PLXDC2: variants seen among roughly 807,000 people sequenced by gnomAD.
The protein encoded by PLXDC2 is plexin domain containing 2.
PLXDC2 carries 40 observed loss-of-function variants against 68.9 expected under a neutral mutation model. The ratio of observed to expected loss-of-function variants is 0.58; its 90% CI spans 0.45 to 0.76. The LOEUF (loss-of-function observed/expected upper bound fraction) is 0.76, where lower values mean the gene tolerates loss of function less well. Among genes scored for constraint, PLXDC2 ranks in the 30% least tolerant of loss-of-function variants. The pLI, the probability that PLXDC2 is intolerant of heterozygous loss-of-function variation, is 0.00. For synonymous variants in PLXDC2, 243 were observed against 234.2 expected (o/e 1.04, Z -0.34); for missense variants, 644 against 661.9 (o/e 0.97, Z 0.30).
At chr10:20,022,471 A>G (rs1374828366) in intron 2 of PLXDC2, among the ~76,000 whole-genome samples, 3 of 152,352 alleles carry the variant, frequency 2.0e-5, no homozygotes, top group South Asian at 4.1e-4. Flanking sequence ...GTCAGAACCC[A>G]GAGGTCCTTG....
intron 1 of PLXDC2, among the ~76,000 whole-genome samples, chr10:19,890,541 G>C (rs943280906): frequency 1.6e-5 from 2 of 128,398 alleles, no homozygotes; most frequent in African/African-American, 3.1e-5. Flanking sequence ...TCTGAGACGG[G>C]GTTTTTTTTT....
At chr10:20,030,334 C>T (rs1335981377) in intron 2 of PLXDC2, among the ~76,000 whole-genome samples, 1 of 152,190 alleles carries the variant, frequency 6.6e-6, no homozygotes, top group Non-Finnish European at 1.5e-5. Flanking sequence ...CCAGGCCATG[C>T]CTTGTGACTT....
intron 13 of PLXDC2, among the ~76,000 whole-genome samples, chr10:20,265,739 A>G (rs765624965): frequency 1.3e-5 from 2 of 152,184 alleles, no homozygotes; most frequent in African/African-American, 2.4e-5. Flanking sequence ...CATGTTCCCA[A>G]TTCTAGAGTA....
At chr10:20,259,341 C>A (rs1835782413) in intron 13 of PLXDC2, among the ~76,000 whole-genome samples, 1 of 152,106 alleles carries the variant, frequency 6.6e-6, no homozygotes, top group South Asian at 2.1e-4. Flanking sequence ...CAAAAAGAGT[C>A]CTTGTCCCTT....
intron 9 of PLXDC2, among the ~76,000 whole-genome samples, chr10:20,201,946 C>T (rs948013389): frequency 6.6e-6 from 1 of 152,134 alleles, no homozygotes; most frequent in African/African-American, 2.4e-5. Context: ...CACTGGGATA[C>T]ACCTACTTTA....
intron 9 of PLXDC2, among the ~76,000 whole-genome samples, chr10:20,187,262 A>G (rs1483462969): frequency 2.0e-5 from 3 of 151,844 alleles, no homozygotes; most frequent in Non-Finnish European, 4.4e-5. Context: ...CTCTAGATAT[A>G]TCAGATTCTG....
At chr10:20,139,962 C>A (rs752906825) in intron 4 of PLXDC2, among the ~76,000 whole-genome samples, 41 of 152,094 alleles carry the variant, frequency 2.7e-4, no homozygotes, top group Non-Finnish European at 4.9e-4. Flanking sequence ...ATGTAACAAA[C>A]CTGCACGTTC....
chr10:19,986,630 G>T (rs1202554580), intron 1 of PLXDC2, among the ~76,000 whole-genome samples: 1 of 152,092 alleles, frequency 6.6e-6, no homozygotes, highest in East Asian at 1.9e-4. Context: ...ATAACAAAAG[G>T]CAGGTTAAAA....
At chr10:20,192,955 CAT>C (rs1491175176) in intron 9 of PLXDC2, among the ~76,000 whole-genome samples, 4 of 152,148 alleles carry the variant, frequency 2.6e-5, no homozygotes, top group East Asian at 3.9e-4. Context: ...CTCTACACCA[CAT>C]GTCTTAGGTT....
intron 12 of PLXDC2, among the ~76,000 whole-genome samples, chr10:20,226,963 T>G (rs1835295114): frequency 6.6e-6 from 1 of 152,082 alleles, no homozygotes; most frequent in Admixed American, 6.6e-5. Flanking sequence ...GGAACAGGTT[T>G]TGTGTTACCC....
At chr10:20,215,892 A>C (rs1445620407) in intron 10 of PLXDC2, among the ~76,000 whole-genome samples, 1 of 152,074 alleles carries the variant, frequency 6.6e-6, no homozygotes, top group African/African-American at 2.4e-5. Flanking sequence ...GGTAAAGTGG[A>C]GAGAGCTTGA....
intron 1 of PLXDC2, among the ~76,000 whole-genome samples, chr10:19,869,484 G>C (rs1837492100): frequency 9.1e-6 from 1 of 109,614 alleles, no homozygotes; most frequent in East Asian, 3.0e-4. Context: ...GGGGGGGAGA[G>C]GGTGGGAGGG....
chr10:20,198,767 G>A (rs1238373359), intron 9 of PLXDC2, among the ~76,000 whole-genome samples: 1 of 152,060 alleles, frequency 6.6e-6, no homozygotes, highest in Non-Finnish European at 1.5e-5. Flanking sequence ...ACATAATCCA[G>A]CTGTAAGTTG....
rs937403337 is a variant in PLXDC2 at position 20,284,430 on chromosome 10, T to G, written c.*4611T>G. 1.3e-5 allele frequency: 2 copies of G among 150,516 alleles called. No homozygotes were observed. The allele number at this position is 150,516 out of a possible 1,614,324, so 9.3% of individuals were successfully genotyped here. ...TTATGTGTGTGTGTGTGTGTGTGTGTGTGTGTGTGTTAGCCAAGTGTGGTT... is the reference window on the plus strand; with the variant it reads ...TTATGTGTGTGTGTGTGTGTGTGTGGGTGTGTGTGTTAGCCAAGTGTGGTT... On this transcript the variant is annotated 3_prime_UTR_variant, in exon 14 of 14. Coordinates refer to ENST00000377252, the MANE Select transcript of PLXDC2 (RefSeq NM_032812.9).
intron 2 of PLXDC2, among the ~76,000 whole-genome samples, chr10:20,035,433 A>G (rs185421116): frequency 1.3e-5 from 2 of 152,320 alleles, no homozygotes; most frequent in Admixed American, 1.3e-4. Flanking sequence ...GTGGTGGCTC[A>G]TGCCTGTAAT....
At position 19,816,865 on chromosome 10, in the gene PLXDC2, G is replaced by C. The variant is rs1589480769; in HGVS notation, c.-215G>C. ...CTGCGAGTGTGGCAAGTTGCAAAGA[G>C]AGCCTCAGAGGTCCGAAGAGCGCTG... On this transcript the variant is annotated 5_prime_UTR_variant, in exon 1 of 14. Transcript: ENST00000377252. 8.6e-6 allele frequency: 5 copies of C among 583,640 alleles called. No individual in the cohort carries two copies. The highest frequency in any genetic ancestry group is 8.3e-5 in the South Asian group (4 of 48,144). The allele number at this position is 583,640 out of a possible 1,614,324, so 36.2% of individuals were successfully genotyped here.
intron 1 of PLXDC2, among the ~76,000 whole-genome samples, chr10:19,929,564 T>C (rs1028444413): frequency 6.6e-6 from 1 of 152,226 alleles, no homozygotes; most frequent in African/African-American, 2.4e-5. Context: ...CCCTTGGATC[T>C]CTTTCCTTCT....
At chr10:20,072,730 G>A (rs1208480077) in intron 4 of PLXDC2, among the ~76,000 whole-genome samples, 1 of 152,142 alleles carries the variant, frequency 6.6e-6, no homozygotes. Context: ...GAACTAGGAT[G>A]GGTGCAGTGG....
At chr10:20,242,373 A>G (rs1293620654) in intron 12 of PLXDC2, among the ~76,000 whole-genome samples, 2 of 152,190 alleles carry the variant, frequency 1.3e-5, no homozygotes, top group African/African-American at 4.8e-5. Context: ...TTAAGTGCTT[A>G]TTATGAGTCA....
Sources: gnomAD v4.1 joint callset for allele counts (sites outside exome capture counted in the v4.1 genomes callset) on GRCh38, gnomAD v4.1.1 for gene constraint, MANE v1.5 for transcripts, NCBI Gene and HGNC (gene_info 2026-07-23, HGNC 2026-07-21) for gene names.